The following ADGRG1 variants were observed in gnomAD, a reference collection of about 807,000 sequenced individuals.
The protein encoded by ADGRG1 is adhesion G protein-coupled receptor G1.
Under a neutral mutation model 73.5 loss-of-function variants are expected in ADGRG1, and 53 were observed. The observed-to-expected ratio is 0.72, with a 90% CI of 0.58 to 0.91. The LOEUF is 0.91. Ranked by LOEUF, ADGRG1 falls within the 40% of genes least tolerant of loss-of-function variation. The probability of loss-of-function intolerance (pLI) is 0.00; values close to 1 mark genes in which losing one functional copy is unlikely to be tolerated. For missense variants in ADGRG1, 795 were observed against 871.8 expected, an observed-to-expected ratio of 0.91 and a Z score of 1.11; for synonymous variants, 394 against 374.4, an observed-to-expected ratio of 1.05 and a Z score of -0.60.
At chr16:57,635,607 CGTGAGCACAGGA>C (rs2039153786) in intron 1 of ADGRG1, 1 of 985,332 alleles carries the variant, frequency 1.0e-6, no homozygotes, top group Non-Finnish European at 1.2e-6. Context: ...TTGCAAACCA[CGTGAGCACAGGA>C]GTGAGCAAGG....
Position 57,635,976 on chromosome 16 carries a change from C to T in ADGRG1, c.-36+7174C>T, listed in dbSNP as rs1012252877. On this transcript the variant is annotated intron_variant, in intron 1 of 13. Coordinates refer to ENST00000562631, the MANE Select transcript of ADGRG1 (RefSeq NM_201525.4). ...TCCCTGCCCTGCCCCAGCTCTGCCTCGTGAGTCTCTGCAGACTAGTCCTCG... is the reference window on the plus strand; with the variant it reads ...TCCCTGCCCTGCCCCAGCTCTGCCTTGTGAGTCTCTGCAGACTAGTCCTCG... 1.1e-4 allele frequency: 105 copies of T among 985,268 alleles called. 1 individual carries two copies. Among genetic ancestry groups the T allele is most frequent in the South Asian group, 2.8e-4 (6 of 21,294 alleles). 61.0% of individuals were successfully genotyped at this position (985,268 alleles called of 1,614,324 possible). A position where few individuals can be genotyped will look rare whatever the true frequency, so the allele number is the denominator to read the frequency against.
intron 12 of ADGRG1, chr16:57,661,217 T>C (rs1202386735): frequency 2.2e-6 from 2 of 890,732 alleles, no homozygotes; most frequent in Non-Finnish European, 2.7e-6. Context: ...AGACAGAGGC[T>C]CAGGGAGGGA....
At chr16:57,622,197 G>A (rs575950630) in intron 2 of ADGRG1, 5 of 152,142 alleles carry the variant, frequency 3.3e-5, no homozygotes, top group African/African-American at 1.2e-4. Flanking sequence ...ATACAGCAGT[G>A]GCAGTGACAG....
rs568956370 is a variant in ADGRG1, at chr16:57,661,693, G to A, written c.1665-4G>A. On this transcript the variant is annotated splice_region_variant and splice_polypyrimidine_tract_variant and intron_variant, in intron 12 of 13. Transcript: ENST00000562631. ...ACGCTGAGCCCTCCTGCCTTTGCCC[G>A]CAGGTGCTGGATCCGGGACTCCCTG... 19 of 1,612,456 alleles carry A rather than the reference G, an allele frequency of 1.2e-5. No individual in the cohort carries two copies. The highest frequency in any genetic ancestry group is 2.2e-5 in the East Asian group (1 of 44,854).
intron 1 of ADGRG1, among the ~76,000 whole-genome samples, chr16:57,644,515 C>T (rs541955961): frequency 7.9e-4 from 119 of 149,764 alleles, no homozygotes; most frequent in African/African-American, 2.4e-3. Context: ...TGCATGGGCA[C>T]ACACACTCAT....
chr16:57,635,466 C>G (rs2039122576), intron 1 of ADGRG1: 9 of 985,436 alleles, frequency 9.1e-6, no homozygotes, highest in Non-Finnish European at 1.1e-5. Context: ...GGAGGACAGC[C>G]AGTGTCTCTT....
upstream of ADGRG1, chr16:57,627,833 A>G: frequency 1.0e-6 from 1 of 985,198 alleles, no homozygotes; most frequent in Non-Finnish European, 1.2e-6. Flanking sequence ...GGTGCTGCTG[A>G]CAGAGGAATG....
chr16:57,652,914 C>A (rs2044462765), intron 3 of ADGRG1: 4 of 1,282,034 alleles, frequency 3.1e-6, no homozygotes, highest in Non-Finnish European at 4.0e-6. Context: ...CCTCTCTGCT[C>A]CGTGTGTGTA....
chr16:57,659,605 C>G lies in ADGRG1; in HGVS notation c.1479C>G (p.Asn493Lys). 1.2e-6 allele frequency: 2 copies of G among 1,614,004 alleles called. No homozygotes were observed. Among genetic ancestry groups the G allele is most frequent in the South Asian group, 1.1e-5 (1 of 91,086 alleles). ...CLSWMGLEGY[N>K]LYRLVVEVFG... ...CCTGGATGGGCCTCGAGGGGTACAACCTCTACCGACTCGTGGTGGAGGTCT... is the reference window on the plus strand; with the variant it reads ...CCTGGATGGGCCTCGAGGGGTACAAGCTCTACCGACTCGTGGTGGAGGTCT... The change falls in exon 11 of 14, where the codon AAC (asparagine) becomes AAG (lysine). Residue 493 changes from asparagine (N) to lysine (K), a missense_variant. Transcript: ENST00000562631.
At chr16:57,660,679 G>A in intron 11 of ADGRG1, 89 bp from the exon 12 acceptor site, 1 of 1,505,544 alleles carries the variant, frequency 6.6e-7, no homozygotes, top group Non-Finnish European at 9.1e-7. Context: ...CTTCAGAGGG[G>A]CCCTTGCCCT....
chr16:57,624,297 C>A, upstream of ADGRG1: 2 of 281,624 alleles, frequency 7.1e-6, no homozygotes, highest in Non-Finnish European at 1.1e-5. Context: ...CTCAGGAGTT[C>A]AAGACTAGCG....
At chr16:57,626,702 G>A (rs76240118), upstream of ADGRG1, 813 of 985,050 alleles carry the variant, frequency 8.3e-4, 10 homozygotes, top group African/African-American at 0.013. Context: ...TGGTCAGCAC[G>A]CTCTGTGGGG....
At chr16:57,640,522 A>G (rs1465354727) in intron 1 of ADGRG1, among the ~76,000 whole-genome samples, 3 of 152,312 alleles carry the variant, frequency 2.0e-5, no homozygotes, top group Middle Eastern at 3.4e-3. Context: ...AGCTTAATGA[A>G]CATAGTTGTG....
chr16:57,636,162 G>A, intron 1 of ADGRG1: 6 of 985,386 alleles, frequency 6.1e-6, no homozygotes, highest in Non-Finnish European at 7.2e-6. Flanking sequence ...TTGCACATCT[G>A]CTACCTGGGC....
intron 1 of ADGRG1, chr16:57,635,643 C>T (rs1383822526): frequency 1.0e-6 from 1 of 984,732 alleles, no homozygotes; most frequent in Non-Finnish European, 1.2e-6. Context: ...AACCCCGCCC[C>T]TGTTCCCTGG....
At chr16:57,656,183 G>A (rs377412421) in intron 7 of ADGRG1, 43 bp from the exon 8 acceptor site, 18 of 1,613,358 alleles carry the variant, frequency 1.1e-5, no homozygotes, top group African/African-American at 1.3e-5. Context: ...TTGGAGGGGT[G>A]GGGGGCTGTC....
Position 57,661,827 on chromosome 16 carries a change from A to C in ADGRG1, c.1795A>C (p.Lys599Gln). The C allele has an allele frequency of 1.2e-6, 2 of 1,614,044 alleles. No individual in the cohort carries two copies. Among genetic ancestry groups the C allele is most frequent in the Non-Finnish European group, 1.7e-6 (2 of 1,179,966 alleles). Residue 599 changes from lysine (K) to glutamine (Q), a missense_variant, in exon 13 of 14, where the codon AAG becomes CAG. Physicochemically the swap from Lys to Gln is moderately conservative, Grantham distance 53. Transcript: ENST00000562631. ...CCTGCGGCTGCGCCCCCACACCCAA[A>C]AGTGGTCACATGTGCTGACACTGCT... ...QILRLRPHTQ[K>Q]WSHVLTLLGL...
At chr16:57,662,819 T>G (rs544702501) in intron 13 of ADGRG1, 145 of 422,336 alleles carry the variant, frequency 3.4e-4, no homozygotes, top group Middle Eastern at 2.3e-3. Context: ...TGCACACCCC[T>G]CTGTTCCTGG....
At chr16:57,624,656 C>T (rs376258962), upstream of ADGRG1, 1 of 884,430 alleles carries the variant, frequency 1.1e-6, no homozygotes, top group Admixed American at 6.2e-5. Context: ...CTGAAGACCT[C>T]CTCCTAGCCC....
Sources: gnomAD v4.1 joint callset for allele counts (sites outside exome capture counted in the v4.1 genomes callset) on GRCh38, gnomAD v4.1.1 for gene constraint, MANE v1.5 for transcripts, NCBI Gene and HGNC (gene_info 2026-07-23, HGNC 2026-07-21) for gene names.